The following RASAL2 variants were observed in gnomAD, a reference collection of about 807,000 sequenced individuals.
RASAL2 encodes the protein ras GTPase-activating protein nGAP.
RASAL2 carries 58 observed loss-of-function variants against 128.9 expected under a neutral mutation model. The ratio of observed to expected loss-of-function variants is 0.45; its 90% CI spans 0.36 to 0.56. RASAL2 has a LOEUF of 0.56. RASAL2 is among the 20% of genes least tolerant of loss of function. The probability of loss-of-function intolerance (pLI) is 0.00; values close to 1 mark genes in which losing one functional copy is unlikely to be tolerated. For synonymous variants in RASAL2, 561 were observed against 580.8 expected, an observed-to-expected ratio of 0.97 and a Z score of 0.49; for missense variants, 1,360 against 1,601.6, an observed-to-expected ratio of 0.85 and a Z score of 2.57.
At chr1:178,412,260 CAA>C (rs1674440661) in intron 4 of RASAL2, among the ~76,000 whole-genome samples, 1 of 151,936 alleles carries the variant, frequency 6.6e-6, no homozygotes, top group African/African-American at 2.4e-5. Flanking sequence ...ATGAGAGCAG[CAA>C]AGAGAGATGA....
chr1:178,282,028 A>G (rs1255624158), intron 1 of RASAL2, among the ~76,000 whole-genome samples: 2 of 152,198 alleles, frequency 1.3e-5, no homozygotes, highest in African/African-American at 2.4e-5. Flanking sequence ...TGCTTAGACT[A>G]CAAGGGGAGG....
chr1:178,278,011 G>A (rs1047130140), intron 1 of RASAL2, among the ~76,000 whole-genome samples: 3 of 152,190 alleles, frequency 2.0e-5, no homozygotes, highest in Non-Finnish European at 4.4e-5. Context: ...GAGAATTAAG[G>A]AGCATGGTCA....
chr1:178,363,522 T>C (rs1671236177), intron 3 of RASAL2, among the ~76,000 whole-genome samples: 1 of 152,206 alleles, frequency 6.6e-6, no homozygotes. Flanking sequence ...GTACCACACG[T>C]CCAAAGTTAG....
At position 178,474,933 on chromosome 1, in the gene RASAL2, A is replaced by T. The variant is rs950171261; in HGVS notation, c.*1694A>T. On this transcript the variant is annotated 3_prime_UTR_variant, in exon 18 of 18. Coordinates refer to ENST00000367649, the MANE Select transcript of RASAL2 (RefSeq NM_170692.4). ...AAGGGGATGGAAAAAAAAGGACCTG[A>T]GGGAGCCATATGCATCAAGTGAGTG... The T allele has an allele frequency of 6.6e-6, 1 of 152,172 alleles. No individual in the cohort carries two copies. Among genetic ancestry groups the T allele is most frequent in the Non-Finnish European group, 1.5e-5 (1 of 68,020 alleles). 9.4% of individuals were successfully genotyped at this position (152,172 alleles called of 1,614,324 possible).
intron 3 of RASAL2, among the ~76,000 whole-genome samples, chr1:178,377,330 T>A (rs1384416216): frequency 6.6e-6 from 1 of 151,918 alleles, no homozygotes; most frequent in African/African-American, 2.4e-5. Flanking sequence ...ATAGAGACAA[T>A]TAGAAATTTC....
chr1:178,451,046 A>C (rs1350034127), intron 9 of RASAL2, among the ~76,000 whole-genome samples: 1 of 152,158 alleles, frequency 6.6e-6, no homozygotes, highest in Admixed American at 6.5e-5. Flanking sequence ...ATGTAAGGAG[A>C]TCTGCTATAT....
At chr1:178,347,542 C>T (rs1670214869) in intron 3 of RASAL2, among the ~76,000 whole-genome samples, 2 of 152,010 alleles carry the variant, frequency 1.3e-5, no homozygotes, top group Admixed American at 6.6e-5. Flanking sequence ...TCCAGATGAC[C>T]ATTTAGTATA....
intron 1 of RASAL2, among the ~76,000 whole-genome samples, chr1:178,232,853 A>G (rs966496677): frequency 2.0e-5 from 3 of 152,182 alleles, no homozygotes; most frequent in East Asian, 1.9e-4. Context: ...TTTTCTTCAC[A>G]ATCTGTTTTT....
chr1:178,226,842 A>G (rs895992355), intron 1 of RASAL2, among the ~76,000 whole-genome samples: 2 of 152,154 alleles, frequency 1.3e-5, no homozygotes, highest in Non-Finnish European at 2.9e-5. Flanking sequence ...CGGGAGGTTG[A>G]GGCAGGAGAA....
At chr1:178,225,471 A>T (rs1044211901) in intron 1 of RASAL2, among the ~76,000 whole-genome samples, 4 of 151,844 alleles carry the variant, frequency 2.6e-5, no homozygotes, top group Admixed American at 1.3e-4. Context: ...TTACCTTTCT[A>T]TCTTGTCTCT....
chr1:178,471,482 A>C (rs927035996), intron 17 of RASAL2, among the ~76,000 whole-genome samples: 1 of 152,208 alleles, frequency 6.6e-6, no homozygotes, highest in Admixed American at 6.5e-5. Flanking sequence ...TTCCTAAAAT[A>C]AAAAGCATTT....
intron 5 of RASAL2, among the ~76,000 whole-genome samples, chr1:178,430,922 A>G (rs1675850646): frequency 6.6e-6 from 1 of 151,578 alleles, no homozygotes; most frequent in Admixed American, 6.6e-5. Flanking sequence ...ACACACACAC[A>G]CACACACACA....
intron 4 of RASAL2, among the ~76,000 whole-genome samples, chr1:178,404,861 T>C (rs1673899438): frequency 6.6e-6 from 1 of 151,774 alleles, no homozygotes; most frequent in Non-Finnish European, 1.5e-5. Context: ...TCTGTATTGT[T>C]TGTAGAGACG....
intron 1 of RASAL2, among the ~76,000 whole-genome samples, chr1:178,270,389 C>A (rs1024506396): frequency 6.6e-6 from 1 of 151,780 alleles, no homozygotes; most frequent in South Asian, 2.1e-4. Context: ...TCTTTTTGAT[C>A]TATTTTCTTA....
chr1:178,320,655 A>G (rs576876151), intron 3 of RASAL2, among the ~76,000 whole-genome samples: 207 of 152,186 alleles, frequency 1.4e-3, no homozygotes, highest in African/African-American at 4.8e-3. Context: ...TTTGGCTCGC[A>G]CACGGTGCGC....
intron 1 of RASAL2, among the ~76,000 whole-genome samples, chr1:178,177,977 A>G (rs948749644): frequency 1.3e-5 from 2 of 152,206 alleles, no homozygotes; most frequent in African/African-American, 4.8e-5. Flanking sequence ...TTGAATCTCC[A>G]TATTGTAGGG....
At chr1:178,468,675 G>A (rs1290222915) in intron 17 of RASAL2, among the ~76,000 whole-genome samples, 2 of 152,112 alleles carry the variant, frequency 1.3e-5, no homozygotes, top group Admixed American at 6.5e-5. Context: ...TTAGACATGC[G>A]GAGAATCAGA....
intron 3 of RASAL2, among the ~76,000 whole-genome samples, chr1:178,344,527 T>C (rs1670046490): frequency 3.9e-5 from 6 of 152,222 alleles, no homozygotes; most frequent in Admixed American, 3.9e-4. Flanking sequence ...AACACGATTG[T>C]GTTTGCCCTT....
intron 1 of RASAL2, among the ~76,000 whole-genome samples, chr1:178,136,096 G>T (rs750106932): frequency 1.1e-4 from 17 of 152,118 alleles, no homozygotes; most frequent in Non-Finnish European, 2.2e-4. Flanking sequence ...AGTTAGCTAG[G>T]ATTGCTAATA....
Sources: gnomAD v4.1 joint callset for allele counts (sites outside exome capture counted in the v4.1 genomes callset) on GRCh38, gnomAD v4.1.1 for gene constraint, MANE v1.5 for transcripts, NCBI Gene and HGNC (gene_info 2026-07-23, HGNC 2026-07-21) for gene names.